BRINP1: variants seen among roughly 807,000 people sequenced by gnomAD.
BRINP1 encodes BMP/retinoic acid inducible neural specific 1.
In BRINP1, 17 loss-of-function variants were observed where a neutral mutation model predicts 72.9. The ratio of observed to expected loss-of-function variants is 0.23; its 90% CI spans 0.16 to 0.35. The LOEUF (loss-of-function observed/expected upper bound fraction) is 0.35, where lower values mean the gene tolerates loss of function less well. Ranked by LOEUF, BRINP1 falls within the 10% of genes least tolerant of loss-of-function variation. The pLI is 1.00. For synonymous variants in BRINP1, 418 were observed against 378.5 expected (o/e 1.10, Z -1.21); for missense variants, 850 against 1,001.6 (o/e 0.85, Z 2.04).
At chr9:119,229,673 A>G (rs17386224) in intron 5 of BRINP1, among the ~76,000 whole-genome samples, 14,799 of 152,118 alleles carry the variant, frequency 0.097, 885 homozygotes, top group African/African-American at 0.17. Flanking sequence ...AATAGCAAAA[A>G]CACATGCCCT....
chr9:119,189,525 C>T (rs1452186722), intron 7 of BRINP1, among the ~76,000 whole-genome samples: 1 of 152,016 alleles, frequency 6.6e-6, no homozygotes, highest in Non-Finnish European at 1.5e-5. Flanking sequence ...GCTATGCTTA[C>T]ATTAGATAAA....
rs183984015 is a variant in BRINP1, at chr9:119,193,044, A to C, written c.1145+15675T>G. Among the ~76,000 whole-genome samples, 98 of 152,250 alleles carry C rather than the reference A, an allele frequency of 6.4e-4. 2 individuals carry two copies. The East Asian group carries it at 8.3e-3, about 13-fold the overall frequency. Reference sequence around the variant, plus strand: ...ACTGTATACTTTAAAACATTTATAGAGTACCTATATTACCTAATGCAATGT... The same window carrying C: ...ACTGTATACTTTAAAACATTTATAGCGTACCTATATTACCTAATGCAATGT... On this transcript the variant is annotated intron_variant, in intron 7 of 7. Coordinates refer to ENST00000265922, the MANE Select transcript of BRINP1 (RefSeq NM_014618.3).
chr9:119,344,540 T>G (rs1429273183), intron 1 of BRINP1, among the ~76,000 whole-genome samples: 2 of 152,218 alleles, frequency 1.3e-5, no homozygotes, highest in African/African-American at 4.8e-5. Context: ...CTTTCTCATT[T>G]TAACCACAGC....
chr9:119,342,928 G>A (rs1379548928), intron 1 of BRINP1, among the ~76,000 whole-genome samples: 1 of 152,140 alleles, frequency 6.6e-6, no homozygotes, highest in Admixed American at 6.5e-5. Flanking sequence ...TTAAAGAACT[G>A]TTCAACCTTG....
intron 2 of BRINP1, among the ~76,000 whole-genome samples, chr9:119,252,261 C>T (rs1830397615): frequency 6.6e-6 from 1 of 152,136 alleles, no homozygotes; most frequent in Non-Finnish European, 1.5e-5. Context: ...AGACCCTTCC[C>T]AAGCTAGCCT....
chr9:119,295,581 C>T (rs760156105), intron 2 of BRINP1, among the ~76,000 whole-genome samples: 6 of 152,120 alleles, frequency 3.9e-5, no homozygotes, highest in Non-Finnish European at 8.8e-5. Flanking sequence ...CATATAGGAA[C>T]ACTGTCATAT....
intron 7 of BRINP1, among the ~76,000 whole-genome samples, chr9:119,200,759 C>A (rs1033916113): frequency 6.6e-6 from 1 of 151,720 alleles, no homozygotes. Context: ...CCTGAAACAG[C>A]CTTTCAATGC....
intron 7 of BRINP1, among the ~76,000 whole-genome samples, chr9:119,192,214 T>C (rs1311219246): frequency 6.6e-6 from 1 of 151,872 alleles, no homozygotes; most frequent in Non-Finnish European, 1.5e-5. Flanking sequence ...TTTGATATCA[T>C]ACCAAAAGCT....
At chr9:119,288,542 T>A (rs1830790484) in intron 2 of BRINP1, among the ~76,000 whole-genome samples, 1 of 151,998 alleles carries the variant, frequency 6.6e-6, no homozygotes, top group African/African-American at 2.4e-5. Flanking sequence ...TGAGGTCTTT[T>A]CATCAGTCAA....
intron 1 of BRINP1, among the ~76,000 whole-genome samples, chr9:119,361,806 T>C (rs919102632): frequency 2.9e-4 from 42 of 143,926 alleles, no homozygotes; most frequent in Non-Finnish European, 5.0e-4. Flanking sequence ...CATTTTTTTT[T>C]TTTTTTTTTT....
At chr9:119,279,372 C>A (rs1172640753) in intron 2 of BRINP1, among the ~76,000 whole-genome samples, 1 of 152,056 alleles carries the variant, frequency 6.6e-6, no homozygotes, top group Non-Finnish European at 1.5e-5. Context: ...ACGCACGGTT[C>A]CCCTGTGAGG....
intron 6 of BRINP1, among the ~76,000 whole-genome samples, chr9:119,211,605 A>T (rs549117710): frequency 6.6e-6 from 1 of 152,334 alleles, no homozygotes; most frequent in South Asian, 2.1e-4. Context: ...CACACTCTGG[A>T]GCCATCAAGG....
At chr9:119,325,857 C>T (rs1213801313) in intron 1 of BRINP1, among the ~76,000 whole-genome samples, 2 of 152,160 alleles carry the variant, frequency 1.3e-5, no homozygotes, top group African/African-American at 2.4e-5. Context: ...ATCCTCAACT[C>T]ATCTTGTTCT....
chr9:119,239,109 AT>A (rs1272044651), intron 4 of BRINP1, among the ~76,000 whole-genome samples: 2 of 152,214 alleles, frequency 1.3e-5, no homozygotes, highest in Non-Finnish European at 2.9e-5. Context: ...TAGGCCATGT[AT>A]TTACCCTGGG....
chr9:119,331,498 A>C (rs1246165143), intron 1 of BRINP1, among the ~76,000 whole-genome samples: 1 of 152,240 alleles, frequency 6.6e-6, no homozygotes, highest in Non-Finnish European at 1.5e-5. Context: ...CAACATCTGC[A>C]TCCATATATA....
chr9:119,306,455 G>T (rs971674629), intron 2 of BRINP1, among the ~76,000 whole-genome samples: 1 of 152,154 alleles, frequency 6.6e-6, no homozygotes, highest in South Asian at 2.1e-4. Context: ...GGAGGTACAG[G>T]TTCATGCCTC....
At chr9:119,359,463 A>T (rs1189227967) in intron 1 of BRINP1, among the ~76,000 whole-genome samples, 1 of 152,174 alleles carries the variant, frequency 6.6e-6, no homozygotes, top group Non-Finnish European at 1.5e-5. Context: ...CAGCCTCCCA[A>T]AGTGCTGGGA....
chr9:119,312,996 A>T (rs1886371), intron 2 of BRINP1, 142 bp downstream of exon 2: 349,252 of 844,412 alleles, frequency 0.41, 73,294 homozygotes, highest in African/African-American at 0.46. Flanking sequence ...GAAAAAAAAA[A>T]TTAATCAAAA....
At chr9:119,178,313 G>GAGAGGT (rs1829511997) in intron 7 of BRINP1, among the ~76,000 whole-genome samples, 1 of 152,204 alleles carries the variant, frequency 6.6e-6, no homozygotes, top group African/African-American at 2.4e-5. Context: ...AGTGGGGGCA[G>GAGAGGT]AGAGGTAAAG....
Sources: gnomAD v4.1 joint callset for allele counts (sites outside exome capture counted in the v4.1 genomes callset) on GRCh38, gnomAD v4.1.1 for gene constraint, MANE v1.5 for transcripts, NCBI Gene and HGNC (gene_info 2026-07-23, HGNC 2026-07-21) for gene names.